The following LUC7L3 variants were observed in gnomAD, a reference collection of about 807,000 sequenced individuals.
LUC7L3 encodes LUC7 like 3 pre-mRNA splicing factor.
A neutral mutation model predicts 66.8 loss-of-function variants in LUC7L3; 6 were observed. The observed-to-expected ratio is 0.09, with a 90% CI of 0.05 to 0.18. The LOEUF is 0.18. LUC7L3 is among the 10% of genes least tolerant of loss of function. The pLI is 1.00. For synonymous variants in LUC7L3, 160 were observed against 174.7 expected (o/e 0.92, Z 0.66); for missense variants, 341 against 531.1 (o/e 0.64, Z 3.52).
chr17:50,749,397 A>G (rs1283003740), intron 9 of LUC7L3: 1 of 1,241,538 alleles, frequency 8.1e-7, no homozygotes, highest in East Asian at 5.7e-5. Flanking sequence ...ACAGACAGAC[A>G]TGAAGCAAGT....
chr17:50,741,765 T>C (rs943781192), intron 5 of LUC7L3, 34 bp downstream of exon 5: 5 of 1,524,008 alleles, frequency 3.3e-6, no homozygotes, highest in Non-Finnish European at 4.6e-6. Context: ...CAGGAAGTAA[T>C]GTGAAACAGA....
chr17:50,724,137 C>T (rs1266824544), intron 1 of LUC7L3: 1 of 285,602 alleles, frequency 3.5e-6, no homozygotes, highest in Non-Finnish European at 7.1e-6. Context: ...AATATTATTT[C>T]CTCTGTATCC....
In LUC7L3 at chr17:50,745,736, G is replaced by A. The variant is rs376605446; in HGVS notation, c.710G>A (p.Arg237Lys). The A allele has an allele frequency of 2.5e-6, 4 of 1,574,398 alleles. No individual in the cohort carries two copies. The highest frequency in any genetic ancestry group is 3.4e-6 in the Non-Finnish European group (4 of 1,169,646). ...TTTTTCTAGGAAAAGTTAAGGAAAA[G>A]AACCGAAGAACCTGATCGTGATGAG... ...VEELKEKLRKRTEEPDRDERL... is the reference protein window; with the variant it reads ...VEELKEKLRKKTEEPDRDERL... Residue 237 changes from arginine (R) to lysine (K), a missense_variant, in exon 8 of 10, where the codon AGA (arginine) becomes AAA (lysine). Transcript: ENST00000505658.
At chr17:50,723,193 C>T (rs1004568747) in intron 1 of LUC7L3, 1 of 152,276 alleles carries the variant, frequency 6.6e-6, no homozygotes, top group East Asian at 1.9e-4. Flanking sequence ...TTTTTATATT[C>T]TAGATCTCAA....
In LUC7L3 at chr17:50,727,097, A is replaced by G. The variant is rs545806003; in HGVS notation, c.99+7266A>G. 5.3e-5 allele frequency among the ~76,000 whole-genome samples: 8 copies of G among 152,268 alleles called. No homozygotes were observed. In the South Asian group the frequency reaches 1.5e-3, roughly 28 times the overall value. On this transcript the variant is annotated intron_variant, in intron 1 of 9. Transcript: ENST00000505658. ...GAGCGAGACTTTGTCTCAAAAAAAA[A>G]AGAATACAGTATATAATACAAATAA...
chr17:50,729,242 G>A (rs998903619), intron 1 of LUC7L3, among the ~76,000 whole-genome samples: 1 of 152,158 alleles, frequency 6.6e-6, no homozygotes, highest in Non-Finnish European at 1.5e-5. Flanking sequence ...GGCAATTTTA[G>A]TGGTGGTGAG....
At chr17:50,730,647 A>C (rs529480546) in intron 1 of LUC7L3, among the ~76,000 whole-genome samples, 1 of 152,080 alleles carries the variant, frequency 6.6e-6, no homozygotes, top group African/African-American at 2.4e-5. Context: ...AATCATTAAG[A>C]TGTCCTTAAT....
At chr17:50,749,116 G>GCT in intron 9 of LUC7L3, 1 of 805,612 alleles carries the variant, frequency 1.2e-6, no homozygotes, top group Non-Finnish European at 1.8e-6. Flanking sequence ...AGTGTAAGGT[G>GCT]CTCTCTTTGT....
intron 7 of LUC7L3, among the ~76,000 whole-genome samples, chr17:50,745,281 G>A (rs184307918): frequency 8.5e-5 from 13 of 152,088 alleles, no homozygotes; most frequent in East Asian, 5.8e-4. Flanking sequence ...CTCGGCCAGC[G>A]TAAATTTCTT....
In LUC7L3 at chr17:50,719,713, A is replaced by G; in HGVS notation, c.-20A>G. The G allele has an allele frequency of 1.2e-6, 2 of 1,600,614 alleles. No individual in the cohort carries two copies. The highest frequency in any genetic ancestry group is 1.3e-5 in the African/African-American group (1 of 74,620). ...GGCGGGTGCCTGGGCTGGTGGGAAC[A>G]GCCGCCCGAAGGAAGCACCATGATT... is the stretch of plus-strand genomic sequence containing the variant. On this transcript the variant is annotated 5_prime_UTR_variant, in exon 1 of 10. Coordinates refer to ENST00000505658, the MANE Select transcript of LUC7L3 (RefSeq NM_016424.5).
intron 5 of LUC7L3, 41 bp downstream of exon 5, chr17:50,741,772 C>G: frequency 6.7e-7 from 1 of 1,490,820 alleles, no homozygotes; most frequent in Non-Finnish European, 9.4e-7. Flanking sequence ...TAATGTGAAA[C>G]AGACATGTAA....
chr17:50,723,286 CCCTT>C (rs1968914870), intron 1 of LUC7L3: 1 of 152,142 alleles, frequency 6.6e-6, no homozygotes, highest in Admixed American at 6.5e-5. Flanking sequence ...CTCAAGCCTA[CCCTT>C]CCTTCCATGA....
intron 9 of LUC7L3, among the ~76,000 whole-genome samples, chr17:50,747,572 C>T (rs1970758354): frequency 6.6e-6 from 1 of 152,056 alleles, no homozygotes. Flanking sequence ...GTTTAATCAC[C>T]AGCATAATAT....
intron 2 of LUC7L3, chr17:50,738,168 A>G (rs1970103658): frequency 2.2e-6 from 1 of 456,160 alleles, no homozygotes; most frequent in Non-Finnish European, 4.4e-6. Context: ...CTCTAGAGAA[A>G]GTGAACAGTT....
rs77796235 is a variant in LUC7L3, at chr17:50,738,963, A to G, written c.167-1343A>G. 1.8e-3 allele frequency among the ~76,000 whole-genome samples: 279 copies of G among 152,222 alleles called. 6 individuals carry two copies. The East Asian group carries it at 0.038, about 21-fold the overall frequency. On this transcript the variant is annotated intron_variant, in intron 2 of 9. Coordinates refer to ENST00000505658, the MANE Select transcript of LUC7L3 (RefSeq NM_016424.5). ...AATGGCCTAAGACTGGTCAGTAACA[A>G]CGGGGGAAGTTGAAGACATTGGAGA...
chr17:50,740,376 C>A (rs1174184897), intron 3 of LUC7L3, 31 bp downstream of exon 3: 3 of 1,593,096 alleles, frequency 1.9e-6, no homozygotes, highest in Admixed American at 1.8e-5. Context: ...TTTCCACCCC[C>A]CCAGTTATTA....
chr17:50,723,833 C>A, intron 1 of LUC7L3: 1 of 355,162 alleles, frequency 2.8e-6, no homozygotes, highest in Non-Finnish European at 5.7e-6. Flanking sequence ...CAGGGTTTTG[C>A]CATATTGGCC....
chr17:50,726,211 G>A (rs569575808), intron 1 of LUC7L3, among the ~76,000 whole-genome samples: 17 of 152,032 alleles, frequency 1.1e-4, no homozygotes, highest in African/African-American at 4.1e-4. Flanking sequence ...TTGCTCTGTC[G>A]CCCAGGCTGG....
intron 2 of LUC7L3, among the ~76,000 whole-genome samples, chr17:50,740,025 CT>C (rs1470662916): frequency 6.6e-6 from 1 of 152,108 alleles, no homozygotes; most frequent in Non-Finnish European, 1.5e-5. Flanking sequence ...GAACAGTTTC[CT>C]TTCACCTTCC....
Sources: gnomAD v4.1 joint callset for allele counts (sites outside exome capture counted in the v4.1 genomes callset) on GRCh38, gnomAD v4.1.1 for gene constraint, MANE v1.5 for transcripts, NCBI Gene and HGNC (gene_info 2026-07-23, HGNC 2026-07-21) for gene names.